The following MYO3B variants were observed in gnomAD, a reference collection of about 807,000 sequenced individuals.
MYO3B encodes myosin-IIIb.
In MYO3B, 156 loss-of-function variants were observed where a neutral mutation model predicts 174.6. The observed-to-expected ratio is 0.89, with a 90% CI of 0.78 to 1.02. MYO3B has a LOEUF of 1.02. Among genes scored for constraint, MYO3B ranks in the 50% least tolerant of loss-of-function variants. The pLI is 0.00. For synonymous variants in MYO3B, 563 were observed against 569.1 expected (o/e 0.99, Z 0.15); for missense variants, 1,632 against 1,639.4 (o/e 1.00, Z 0.08).
chr2:170,575,377 G>A (rs980039314), intron 32 of MYO3B, among the ~76,000 whole-genome samples: 6 of 152,102 alleles, frequency 3.9e-5, no homozygotes, highest in Non-Finnish European at 8.8e-5. Context: ...AGAGTCAATA[G>A]TTCAGGCTTT....
chr2:170,499,943 C>CTTCCTTCT (rs1559060551), intron 27 of MYO3B, 135 bp downstream of exon 27: 20 of 683,370 alleles, frequency 2.9e-5, no homozygotes, highest in East Asian at 2.0e-4. Flanking sequence ...CCCTTCCTTC[C>CTTCCTTCT]TTCCTTCTTT....
At chr2:170,639,807 C>T (rs1575319826) in intron 32 of MYO3B, among the ~76,000 whole-genome samples, 2 of 152,108 alleles carry the variant, frequency 1.3e-5, no homozygotes, top group East Asian at 1.9e-4. Context: ...AGCACTGTAC[C>T]TCTGGAAACC....
intron 30 of MYO3B, among the ~76,000 whole-genome samples, chr2:170,537,212 AAAAC>A (rs1338996593): frequency 0.048 from 6,018 of 125,318 alleles, 433 homozygotes; most frequent in African/African-American, 0.16. Context: ...AAAAAAAAAA[AAAAC>A]AAAAAACAAA....
chr2:170,502,838 C>T (rs932321567), intron 28 of MYO3B, among the ~76,000 whole-genome samples: 24 of 152,228 alleles, frequency 1.6e-4, no homozygotes, highest in African/African-American at 5.5e-4. Flanking sequence ...AGTCCCTCCT[C>T]GGAACCTGGC....
chr2:170,538,563 G>T (rs542934234), intron 30 of MYO3B, among the ~76,000 whole-genome samples: 4 of 152,214 alleles, frequency 2.6e-5, no homozygotes, highest in Admixed American at 2.6e-4. Context: ...AGCTACTCAG[G>T]AGCCAGCCTT....
chr2:170,451,025 C>T (rs992498034), intron 23 of MYO3B, among the ~76,000 whole-genome samples: 1 of 152,230 alleles, frequency 6.6e-6, no homozygotes, highest in African/African-American at 2.4e-5. Flanking sequence ...TCCCTTTACT[C>T]TTTTAGTTTA....
intron 29 of MYO3B, among the ~76,000 whole-genome samples, chr2:170,517,761 G>A (rs1054422521): frequency 2.0e-5 from 3 of 151,874 alleles, no homozygotes; most frequent in African/African-American, 7.3e-5. Context: ...CTTTTATGTT[G>A]CTTATCACAG....
chr2:170,330,747 G>C (rs2093906002), intron 7 of MYO3B, among the ~76,000 whole-genome samples: 1 of 152,142 alleles, frequency 6.6e-6, no homozygotes, highest in African/African-American at 2.4e-5. Flanking sequence ...CGACATTTGG[G>C]CTTCAAAAGT....
chr2:170,590,798 T>G (rs1288506589), intron 32 of MYO3B, among the ~76,000 whole-genome samples: 1 of 152,146 alleles, frequency 6.6e-6, no homozygotes, highest in Admixed American at 6.5e-5. Context: ...GATTTAGAAT[T>G]GCCTGGACCA....
chr2:170,601,019 G>T (rs1160241725), intron 32 of MYO3B, among the ~76,000 whole-genome samples: 18 of 152,128 alleles, frequency 1.2e-4, no homozygotes, highest in Admixed American at 1.2e-3. Context: ...ATTATGATAT[G>T]CAGGGTGCAT....
chr2:170,237,767 G>T (rs1250125451), intron 7 of MYO3B, among the ~76,000 whole-genome samples: 8 of 152,138 alleles, frequency 5.3e-5, no homozygotes, highest in Non-Finnish European at 1.2e-4. Flanking sequence ...GTTAGAAAAG[G>T]ATCCTTATCC....
At chr2:170,320,404 A>G (rs1339141457) in intron 7 of MYO3B, among the ~76,000 whole-genome samples, 2 of 152,242 alleles carry the variant, frequency 1.3e-5, no homozygotes, top group Non-Finnish European at 2.9e-5. Flanking sequence ...CATCACGTTC[A>G]TAAAGCAGAA....
chr2:170,403,687 A>G (rs893149197), intron 19 of MYO3B, among the ~76,000 whole-genome samples: 2 of 152,226 alleles, frequency 1.3e-5, no homozygotes, highest in African/African-American at 4.8e-5. Context: ...TGCAGGCATG[A>G]GGACGCACAA....
intron 25 of MYO3B, 86 bp downstream of exon 25, chr2:170,466,797 T>C: frequency 7.3e-7 from 1 of 1,373,980 alleles, no homozygotes; most frequent in South Asian, 1.3e-5. Context: ...TCCTCCTGCG[T>C]GCTCTCCTCC....
chr2:170,307,024 A>G (rs1392906441), intron 7 of MYO3B, among the ~76,000 whole-genome samples: 1 of 152,066 alleles, frequency 6.6e-6, no homozygotes, highest in Admixed American at 6.6e-5. Context: ...TTTTATTTCA[A>G]AATCTCTGTG....
At chr2:170,491,629 C>CTGTG (rs1559052501) in intron 25 of MYO3B, among the ~76,000 whole-genome samples, 4 of 152,162 alleles carry the variant, frequency 2.6e-5, no homozygotes, top group Admixed American at 2.6e-4. Flanking sequence ...GTTTCACCCC[C>CTGTG]TTAGCCAGGA....
chr2:170,608,360 A>G (rs1367761559), intron 32 of MYO3B, among the ~76,000 whole-genome samples: 1 of 152,250 alleles, frequency 6.6e-6, no homozygotes, highest in Non-Finnish European at 1.5e-5. Context: ...CATGGGCAAC[A>G]AAAGAACTGA....
At chr2:170,303,362 T>C (rs2093678614) in intron 7 of MYO3B, among the ~76,000 whole-genome samples, 1 of 152,174 alleles carries the variant, frequency 6.6e-6, no homozygotes, top group Non-Finnish European at 1.5e-5. Context: ...TCCTTGGCTG[T>C]GGTATATTGT....
intron 7 of MYO3B, among the ~76,000 whole-genome samples, chr2:170,319,136 T>C (rs1289600908): frequency 6.6e-6 from 1 of 152,226 alleles, no homozygotes; most frequent in African/African-American, 2.4e-5. Context: ...GGCTTTACTC[T>C]AAACACTTTA....
Sources: gnomAD v4.1 joint callset for allele counts (sites outside exome capture counted in the v4.1 genomes callset) on GRCh38, gnomAD v4.1.1 for gene constraint, MANE v1.5 for transcripts, NCBI Gene and HGNC (gene_info 2026-07-23, HGNC 2026-07-21) for gene names.